Variants in SARDH observed in about 807,000 individuals in gnomAD.
The protein encoded by SARDH is sarcosine dehydrogenase.
A neutral mutation model predicts 109.1 loss-of-function variants in SARDH; 95 were observed. That is an observed-to-expected ratio of 0.87 (90% CI 0.74 to 1.03). SARDH has a LOEUF of 1.03. Among genes scored for constraint, SARDH ranks in the 50% least tolerant of loss-of-function variants. SARDH has a pLI of 0.00. For missense variants in SARDH, 1,267 were observed against 1,287.8 expected, an observed-to-expected ratio of 0.98 and a Z score of 0.25; for synonymous variants, 572 against 534.8, an observed-to-expected ratio of 1.07 and a Z score of -0.96.
At chr9:133,717,730 C>A (rs1320572047) in intron 7 of SARDH, among the ~76,000 whole-genome samples, 2 of 152,166 alleles carry the variant, frequency 1.3e-5, no homozygotes, top group Non-Finnish European at 2.9e-5. Context: ...CTCCTCTGGC[C>A]CCCTGCAGCT....
chr9:133,726,226 G>A (rs1308637428), intron 6 of SARDH, among the ~76,000 whole-genome samples: 1 of 151,752 alleles, frequency 6.6e-6, no homozygotes, highest in Non-Finnish European at 1.5e-5. Flanking sequence ...AAATTAGCCA[G>A]GAGTGGTGGC....
At chr9:133,660,204 A>C (rs1417930257), downstream of SARDH, among the ~76,000 whole-genome samples, 2 of 152,040 alleles carry the variant, frequency 1.3e-5, no homozygotes, top group African/African-American at 4.8e-5. Context: ...GGTTGCTGAG[A>C]GTTGCCACTT....
chr9:133,700,096 GCAGGTGGATCACCTGAGGT>G (rs977666542), intron 13 of SARDH, among the ~76,000 whole-genome samples: 2 of 152,238 alleles, frequency 1.3e-5, no homozygotes, highest in African/African-American at 4.8e-5. Context: ...GGAGGCCAAG[GCAGGTGGATCACCTGAGGT>G]CAGGAGTTCA....
In SARDH at chr9:133,729,791, C is replaced by T. The variant is rs137999690; in HGVS notation, c.889G>A (p.Val297Ile). ...TGAATCCCCTCGATGCGCTCGGTGA[C>T]GACATAGGCATGGTGCATGGCCACC... ...PLVAMHHAYV[V>I]TERIEGIQNM... is the part of the protein sequence containing the mutation. Residue 297 changes from valine to isoleucine, a missense_variant, in exon 6 of 21, where the codon GTC becomes ATC. Coordinates refer to ENST00000439388, the MANE Select transcript of SARDH (RefSeq NM_001134707.2). 900 of 1,612,970 alleles carry T rather than the reference C, an allele frequency of 5.6e-4. 5 individuals are homozygous for T. The Middle Eastern group carries it at 5.8e-3, about 10-fold the overall frequency.
Position 133,694,268 on chromosome 9 carries a change from G to A in SARDH, c.1911C>T (p.Pro637=), listed in dbSNP as rs1455656700. 14 of 1,547,928 alleles carry A rather than the reference G, an allele frequency of 9.0e-6. No individual in the cohort carries two copies. The highest frequency in any genetic ancestry group is 1.2e-5 in the South Asian group (1 of 84,012). ...APSHQASPLA[P]AFEGDGYYLA... ...AGAGGCATCCCATACCTTCAAAGGC[G>A]GGGGCCAGCGGGGAGGCCTGGTGGC... Residue 637 remains proline (P), a synonymous_variant, in exon 15 of 21, where the codon CCC becomes CCT. Transcript: ENST00000439388.
chr9:133,673,077 A>T (rs2797837), intron 17 of SARDH, among the ~76,000 whole-genome samples: 1 of 151,996 alleles, frequency 6.6e-6, no homozygotes, highest in African/African-American at 2.4e-5. Context: ...GGCACTGAGC[A>T]GGGCCTAGGC....
intron 20 of SARDH, among the ~76,000 whole-genome samples, chr9:133,665,945 C>T (rs1481376078): frequency 6.6e-6 from 1 of 152,342 alleles, no homozygotes; most frequent in South Asian, 2.1e-4. Context: ...TGGAGAGACA[C>T]GACCCTCCTC....
chr9:133,736,780 G>T (rs1019815092), intron 1 of SARDH, among the ~76,000 whole-genome samples: 18 of 152,188 alleles, frequency 1.2e-4, no homozygotes, highest in African/African-American at 4.3e-4. Context: ...GCCCAGTGTG[G>T]ACCTCCACTG....
At chr9:133,708,071 G>A (rs1025189084) in intron 11 of SARDH, among the ~76,000 whole-genome samples, 1 of 152,162 alleles carries the variant, frequency 6.6e-6, no homozygotes, top group Non-Finnish European at 1.5e-5. Flanking sequence ...CCCCGGGTGG[G>A]AGGGAGCCAT....
chr9:133,738,539 C>T (rs77611206), upstream of SARDH, among the ~76,000 whole-genome samples: 2,540 of 152,328 alleles, frequency 0.017, 59 homozygotes, highest in East Asian at 0.083. Context: ...TACCCGTAGG[C>T]GACCTGGCAG....
Position 133,671,997 on chromosome 9 carries a change from G to C in SARDH, c.2164-300C>G, listed in dbSNP as rs138416607. Among the ~76,000 whole-genome samples the C allele has an allele frequency of 3.9e-5, 6 of 152,306 alleles. No homozygotes were observed. In the East Asian group the frequency reaches 1.2e-3, roughly 29 times the overall value. ...TAGTTTCCTACCTGTCATAACAAAC[G>C]ACCACAACTGGTGGCTTAAAACAAT... On this transcript the variant is annotated intron_variant, in intron 17 of 20. Transcript: ENST00000439388.
chr9:133,689,011 G>A (rs2131377163), intron 16 of SARDH, among the ~76,000 whole-genome samples: 1 of 152,308 alleles, frequency 6.6e-6, no homozygotes, highest in South Asian at 2.1e-4. Context: ...GGGAGCAACT[G>A]GCCTAGGACT....
chr9:133,671,490 C>T, intron 18 of SARDH, 45 bp downstream of exon 18: 2 of 1,517,998 alleles, frequency 1.3e-6, no homozygotes, highest in Non-Finnish European at 1.8e-6. Flanking sequence ...CACTGCCCCC[C>T]ACTGCGCCCG....
At chr9:133,659,860 T>C (rs1832389692), downstream of SARDH, among the ~76,000 whole-genome samples, 1 of 151,988 alleles carries the variant, frequency 6.6e-6, no homozygotes, top group Admixed American at 6.5e-5. Context: ...CCAAGAAGCC[T>C]CTTCCCGCGA....
At chr9:133,671,231 A>T (rs983017260) in intron 18 of SARDH, among the ~76,000 whole-genome samples, 3 of 151,960 alleles carry the variant, frequency 2.0e-5, no homozygotes, top group Non-Finnish European at 4.4e-5. Flanking sequence ...ATTCCAACCC[A>T]GCCTGGGCCT....
At chr9:133,676,659 G>A (rs1830521798) in intron 17 of SARDH, among the ~76,000 whole-genome samples, 1 of 152,226 alleles carries the variant, frequency 6.6e-6, no homozygotes, top group Admixed American at 6.5e-5. Flanking sequence ...GGCCGGACAG[G>A]AAGCTGCAGT....
chr9:133,713,337 A>T (rs1832001017), intron 8 of SARDH, among the ~76,000 whole-genome samples: 1 of 151,604 alleles, frequency 6.6e-6, no homozygotes, highest in Admixed American at 6.6e-5. Context: ...GTGTGCTGCC[A>T]GAACCAGCTG....
intron 16 of SARDH, among the ~76,000 whole-genome samples, chr9:133,689,842 T>C (rs369405203): frequency 4.6e-5 from 7 of 152,190 alleles, no homozygotes; most frequent in African/African-American, 1.7e-4. Flanking sequence ...TGTGGCTGTG[T>C]GCATGAGCCA....
chr9:133,664,280 C>T (rs1026854751), intron 20 of SARDH, among the ~76,000 whole-genome samples: 1 of 152,216 alleles, frequency 6.6e-6, no homozygotes, highest in Non-Finnish European at 1.5e-5. Context: ...GGACAACACA[C>T]CTCCCACCCC....
Sources: allele counts gnomAD v4.1 joint callset (sites outside exome capture counted in the v4.1 genomes callset), GRCh38; gene constraint gnomAD v4.1.1; transcripts MANE v1.5; gene names NCBI Gene and HGNC (gene_info 2026-07-23, HGNC 2026-07-21).